The following SV2A variants were observed in gnomAD, a reference collection of about 807,000 sequenced individuals.
SV2A encodes the protein solute carrier family 22 member B1.
SV2A carries 25 observed loss-of-function variants against 78.0 expected under a neutral mutation model. That is an observed-to-expected ratio of 0.32 (90% CI 0.23 to 0.45). The LOEUF is 0.45. Ranked by LOEUF, SV2A falls within the 20% of genes least tolerant of loss-of-function variation. The probability of loss-of-function intolerance (pLI) is 1.00; values close to 1 mark genes in which losing one functional copy is unlikely to be tolerated. For synonymous variants in SV2A, 355 were observed against 384.7 expected (o/e 0.92, Z 0.90); for missense variants, 752 against 971.5 (o/e 0.77, Z 3.00).
intron 1 of SV2A, 76 bp downstream of exon 1, chr1:149,917,663 A>T (rs1373473992): frequency 6.6e-6 from 1 of 152,244 alleles, no homozygotes; most frequent in African/African-American, 2.4e-5. Context: ...TCGGAGGATA[A>T]AATGGCTGCA....
In SV2A at chr1:149,910,806, G is replaced by A; in HGVS notation, c.955+20C>T. On this transcript the variant is annotated intron_variant, in intron 4 of 12. Coordinates refer to ENST00000369146, the MANE Select transcript of SV2A (RefSeq NM_014849.5). The surrounding 1 kb of genome is among the most constrained non-coding windows in gnomAD (Gnocchi z 4.2). ...GGGAGGAGGGAGATAACCTGGGGTG[G>A]ATTTCCGGGGGCTGCTCACCATAGT... 1.2e-6 allele frequency: 2 copies of A among 1,612,620 alleles called. No individual in the cohort carries two copies. Among genetic ancestry groups the A allele is most frequent in the Non-Finnish European group, 1.7e-6 (2 of 1,178,732 alleles).
chr1:149,906,120 C>A, intron 11 of SV2A, 81 bp from the exon 12 acceptor site: 1 of 1,535,274 alleles, frequency 6.5e-7, no homozygotes, highest in Admixed American at 1.9e-5. Context: ...CATCAGCTGG[C>A]TTTCAGATAG....
Position 149,906,766 on chromosome 1 carries a change from G to A in SV2A, c.1769C>T (p.Thr590Met), listed in dbSNP as rs374454719. 82 of 1,614,072 alleles carry A rather than the reference G, an allele frequency of 5.1e-5. No individual in the cohort carries two copies. The Admixed American group carries it at 5.7e-4, about 11-fold the overall frequency. The change falls in exon 11 of 13, where the codon ACG becomes ATG. Residue 590 changes from threonine to methionine, a missense_variant. By Grantham distance (81) the Thr-to-Met change is moderately conservative. This residue lies in a region of SV2A where 186 missense variants were observed against 274.6 expected (regional missense o/e 0.68). Transcript: ENST00000369146. ...KEGCPLDVTG[T>M]GEGAYMVYFV... ...GTATACCATGTAGGCACCTTCGCCC[G>A]TCCCTGTCACGTCTAGCGGGCAGCC... is the stretch of plus-strand genomic sequence containing the variant.
In SV2A at chr1:149,910,764, G is replaced by C. The variant is rs587669923; in HGVS notation, c.956-61C>G. ...CCAGAGGCTGGGGGAACCCACCACA[G>C]GGAGCACAGAAGAAGAGGGAGGAGG... is the stretch of plus-strand genomic sequence containing the variant. On this transcript the variant is annotated intron_variant, in intron 4 of 12. Transcript: ENST00000369146. The surrounding 1 kb of genome is among the most constrained non-coding windows in gnomAD (Gnocchi z 4.2). The C allele has an allele frequency of 6.2e-7, 1 of 1,612,370 alleles. No homozygotes were observed. The highest frequency in any genetic ancestry group is 2.2e-5 in the East Asian group (1 of 44,860).
At chr1:149,912,280 C>T (rs587603316) in intron 2 of SV2A, among the ~76,000 whole-genome samples, 1 of 152,108 alleles carries the variant, frequency 6.6e-6, no homozygotes, top group South Asian at 2.1e-4. Flanking sequence ...CCCTGGCTCA[C>T]TTTGAAGGAG....
intron 10 of SV2A, 70 bp from the exon 11 acceptor site, chr1:149,906,926 C>T (rs782011526): frequency 1.0e-5 from 16 of 1,582,304 alleles, no homozygotes; most frequent in Non-Finnish European, 1.3e-5. Flanking sequence ...CGGCTTATGG[C>T]TCAGGGCTCT....
At position 149,909,549 on chromosome 1, in the gene SV2A, T is replaced by G; in HGVS notation, c.1202A>C (p.His401Pro). 1 of 1,614,110 alleles carries G rather than the reference T, an allele frequency of 6.2e-7. No homozygotes were observed. Among genetic ancestry groups the G allele is most frequent in the Non-Finnish European group, 8.5e-7 (1 of 1,180,002 alleles). The change falls in exon 7 of 13, where the codon CAT (histidine) becomes CCT (proline). Residue 401 changes from histidine to proline, a missense_variant. By Grantham distance (77) the His-to-Pro change is moderately conservative (BLOSUM62 -2). This residue lies in a region of SV2A where 136 missense variants were observed against 132.3 expected (regional missense o/e 1.03). Transcript: ENST00000369146. ...GATCTCAATCAATTCATCCTCCTGA[T>G]GAATCGTCTTAATGTGGGTTACCTG... ...VFSVTHIKTI[H>P]QEDELIEIQS...
chr1:149,909,688 G>T, intron 6 of SV2A, 113 bp downstream of exon 6: 1 of 1,450,734 alleles, frequency 6.9e-7, no homozygotes, highest in Non-Finnish European at 9.7e-7. Flanking sequence ...ATGATACCCT[G>T]AAAATCTCCT....
chr1:149,914,566 T>C (rs1326899399), intron 1 of SV2A, among the ~76,000 whole-genome samples: 1 of 152,230 alleles, frequency 6.6e-6, no homozygotes, highest in Non-Finnish European at 1.5e-5. Flanking sequence ...TTGAGGAGGA[T>C]GTGTAAGAGG....
intron 9 of SV2A, 49 bp from the exon 10 acceptor site, chr1:149,907,882 C>G (rs1197125893): frequency 3.8e-6 from 6 of 1,596,504 alleles, no homozygotes; most frequent in African/African-American, 1.3e-5. Context: ...CCTCATGCCC[C>G]CTCCAAGACT....
rs1553762240 is a variant in SV2A at position 149,903,510 on chromosome 1, CAT to C, written c.*1502_*1503del. 6.6e-6 allele frequency: 1 copy of C among 152,390 alleles called. No individual in the cohort carries two copies. The highest frequency in any genetic ancestry group is 1.5e-5 in the Non-Finnish European group (1 of 68,170). The allele number at this position is 152,390 out of a possible 1,614,324, so 9.4% of individuals were successfully genotyped here. Reference sequence around the variant, plus strand: ...GGGACAAGGGCACAGGGCACACACTCATACACTGGGCACTGGAGAAGGCAGTC... The same window carrying C: ...GGGACAAGGGCACAGGGCACACACTCACACTGGGCACTGGAGAAGGCAGTC... On this transcript the variant is annotated 3_prime_UTR_variant, in exon 13 of 13. Coordinates refer to ENST00000369146, the MANE Select transcript of SV2A (RefSeq NM_014849.5).
At chr1:149,916,450 G>A (rs2092514608) in intron 1 of SV2A, among the ~76,000 whole-genome samples, 1 of 152,258 alleles carries the variant, frequency 6.6e-6, no homozygotes, top group Non-Finnish European at 1.5e-5. Flanking sequence ...ACTTGGAGAG[G>A]TGGAGGTTAA....
At chr1:149,915,988 C>T (rs908728632) in intron 1 of SV2A, among the ~76,000 whole-genome samples, 1 of 152,256 alleles carries the variant, frequency 6.6e-6, no homozygotes, top group Non-Finnish European at 1.5e-5. Context: ...TGGCAAGCAG[C>T]GCCTTATCCC....
Position 149,910,759 on chromosome 1 carries a change from C to T in SV2A, c.956-56G>A. Reference sequence around the variant, plus strand: ...AGAGGCCAGAGGCTGGGGGAACCCACCACAGGGAGCACAGAAGAAGAGGGA... The same window carrying T: ...AGAGGCCAGAGGCTGGGGGAACCCATCACAGGGAGCACAGAAGAAGAGGGA... On this transcript the variant is annotated intron_variant, in intron 4 of 12. Transcript: ENST00000369146. The surrounding 1 kb of genome is among the most constrained non-coding windows in gnomAD (Gnocchi z 4.2). 1 of 1,612,062 alleles carries T rather than the reference C, an allele frequency of 6.2e-7. No individual in the cohort carries two copies. The highest frequency in any genetic ancestry group is 8.5e-7 in the Non-Finnish European group (1 of 1,178,730).
rs1288700352 is a variant in SV2A, at chr1:149,908,278, G to A, written c.1380-72C>T. ...GGCTCAGAGATTAGAATCAGGCAGA[G>A]GAGAAAACGGAAATGTGTATCATCT... On this transcript the variant is annotated intron_variant, in intron 8 of 12. Coordinates refer to ENST00000369146, the MANE Select transcript of SV2A (RefSeq NM_014849.5). 2.0e-6 allele frequency: 3 copies of A among 1,532,134 alleles called. No individual in the cohort carries two copies. In the African/African-American group the frequency reaches 4.1e-5, roughly 21 times the overall value. The allele number at this position is 1,532,134 out of a possible 1,614,324, so 94.9% of individuals were successfully genotyped here. A position where few individuals can be genotyped will look rare whatever the true frequency, so the allele number is the denominator to read the frequency against.
intron 8 of SV2A, among the ~76,000 whole-genome samples, chr1:149,908,709 C>G (rs946632751): frequency 5.3e-5 from 8 of 152,178 alleles, no homozygotes; most frequent in Non-Finnish European, 1.0e-4. Flanking sequence ...GCGATCTCGA[C>G]TCACTGCAAC....
Position 149,914,022 on chromosome 1 carries a change from G to A in SV2A, c.-182C>T, listed in dbSNP as rs2092495925. The A allele has an allele frequency of 2.3e-6, 2 of 883,032 alleles. No homozygotes were observed. Among genetic ancestry groups the A allele is most frequent in the Non-Finnish European group, 1.7e-6 (1 of 604,054 alleles). 54.7% of individuals were successfully genotyped at this position (883,032 alleles called of 1,614,324 possible). On this transcript the variant is annotated 5_prime_UTR_variant, in exon 2 of 13. Coordinates refer to ENST00000369146, the MANE Select transcript of SV2A (RefSeq NM_014849.5). ...TCCTAGCCAATGAGTGCCTAGGAAG[G>A]AAAAGGAAGGAGAGGAGCTTTGACC...
chr1:149,915,610 A>T (rs1553764431), intron 1 of SV2A, among the ~76,000 whole-genome samples: 2 of 152,136 alleles, frequency 1.3e-5, no homozygotes, highest in South Asian at 2.1e-4. Context: ...GTTGCATCCC[A>T]TCCCTCCAGG....
rs2092467210 is a variant in SV2A at position 149,910,264 on chromosome 1, A to G, written c.1089+306T>C. Reference sequence around the variant, plus strand: ...CCTGCTGGGGTTAGGAGGGGAAGGTATAGGGGGTGGGAATGTCTCTTGAGC... The same window carrying G: ...CCTGCTGGGGTTAGGAGGGGAAGGTGTAGGGGGTGGGAATGTCTCTTGAGC... On this transcript the variant is annotated intron_variant, in intron 5 of 12. Coordinates refer to ENST00000369146, the MANE Select transcript of SV2A (RefSeq NM_014849.5). The surrounding 1 kb of genome is among the most constrained non-coding windows in gnomAD (Gnocchi z 4.2). 6.6e-6 allele frequency among the ~76,000 whole-genome samples: 1 copy of G among 152,202 alleles called. No individual in the cohort carries two copies. The highest frequency in any genetic ancestry group is 2.4e-5 in the African/African-American group (1 of 41,442).
Sources: gnomAD v4.1 joint callset for allele counts (sites outside exome capture counted in the v4.1 genomes callset) on GRCh38, gnomAD v4.1.1 for gene constraint, gnomAD v4.1.1 regional missense constraint, Gnocchi (gnomAD v3.1) non-coding constraint, MANE v1.5 for transcripts, NCBI Gene and HGNC (gene_info 2026-07-23, HGNC 2026-07-21) for gene names.